Variants in SNRNP48 observed in about 807,000 individuals in gnomAD.
SNRNP48 encodes U11/U12 small nuclear ribonucleoprotein 48 kDa protein.
A neutral mutation model predicts 47.0 loss-of-function variants in SNRNP48; 43 were observed. That is an observed-to-expected ratio of 0.92 (90% confidence interval 0.72 to 1.18). SNRNP48 has a LOEUF of 1.18. SNRNP48 is among the 50% of genes most tolerant of loss of function. SNRNP48 has a pLI of 0.00. For missense variants in SNRNP48, 396 were observed against 422.2 expected (o/e 0.94, Z 0.54); for synonymous variants, 138 against 144.0 (o/e 0.96, Z 0.30).
intron 4 of SNRNP48, among the ~76,000 whole-genome samples, chr6:7,596,870 C>CT (rs1157452845): frequency 6.6e-6 from 1 of 152,124 alleles, no homozygotes; most frequent in African/African-American, 2.4e-5. Flanking sequence ...GTTAATAATA[C>CT]TTAAAGGACT....
chr6:7,598,314 G>T (rs959175200), intron 4 of SNRNP48, among the ~76,000 whole-genome samples: 5 of 151,738 alleles, frequency 3.3e-5, no homozygotes, highest in Admixed American at 6.6e-5. Flanking sequence ...GGCCAACATG[G>T]TGAAACCCTG....
intron 1 of SNRNP48, among the ~76,000 whole-genome samples, chr6:7,593,467 G>C (rs1162680956): frequency 6.6e-6 from 1 of 152,144 alleles, no homozygotes; most frequent in Admixed American, 6.5e-5. Flanking sequence ...TATAGGTGAG[G>C]TGAGGTTGTT....
chr6:7,606,337 T>G, intron 8 of SNRNP48, 142 bp downstream of exon 8: 3 of 823,414 alleles, frequency 3.6e-6, no homozygotes, highest in Non-Finnish European at 5.5e-6. Flanking sequence ...CGATGATTCT[T>G]AACATTCATT....
intron 5 of SNRNP48, among the ~76,000 whole-genome samples, chr6:7,602,017 C>A (rs905750568): frequency 4.6e-5 from 7 of 152,028 alleles, no homozygotes; most frequent in Non-Finnish European, 1.5e-5. Context: ...CCACACCTGG[C>A]TACTTTTTGT....
chr6:7,595,402 T>C (rs1759886494), intron 4 of SNRNP48, among the ~76,000 whole-genome samples: 1 of 152,182 alleles, frequency 6.6e-6, no homozygotes, highest in South Asian at 2.1e-4. Context: ...ATTTAGTAAA[T>C]ACAGATGGTC....
intron 4 of SNRNP48, chr6:7,599,915 A>T: frequency 1.0e-6 from 1 of 996,224 alleles, no homozygotes; most frequent in South Asian, 2.7e-5. Flanking sequence ...AAATAATTTA[A>T]GAAGGAAATT....
intron 6 of SNRNP48, among the ~76,000 whole-genome samples, chr6:7,605,127 G>T (rs1760101787): frequency 6.6e-6 from 1 of 152,052 alleles, no homozygotes; most frequent in South Asian, 2.1e-4. Flanking sequence ...TCCCCAGTAT[G>T]TATTTCCTAA....
At position 7,601,388 on chromosome 6, in the gene SNRNP48, T is replaced by C. The variant is rs752906664; in HGVS notation, c.459T>C (p.Val153=). ...VEVPLNHKRF[V]CDLTQADRLA... ...TTCCTTTGAATCACAAACGGTTTGTTTGTGATCTAACTCAAGCTGATCGTC... is the reference window on the plus strand; with the variant it reads ...TTCCTTTGAATCACAAACGGTTTGTCTGTGATCTAACTCAAGCTGATCGTC... The change falls in exon 5 of 9, where the codon GTT becomes GTC. Residue 153 remains valine (V), a synonymous_variant. Coordinates refer to ENST00000342415, the MANE Select transcript of SNRNP48 (RefSeq NM_152551.4). 11 of 1,587,224 alleles carry C rather than the reference T, an allele frequency of 6.9e-6. No homozygotes were observed. The East Asian group carries it at 1.6e-4, about 23-fold the overall frequency.
At chr6:7,602,840 A>G (rs9505237) in intron 6 of SNRNP48, 96 bp downstream of exon 6, 44,814 of 1,238,758 alleles carry the variant, frequency 0.036, 1,017 homozygotes, top group African/African-American at 0.084. Flanking sequence ...AATTTTCTGA[A>G]AGTGTCTTCA....
At chr6:7,598,232 C>T (rs369141982) in intron 4 of SNRNP48, among the ~76,000 whole-genome samples, 87 of 151,704 alleles carry the variant, frequency 5.7e-4, no homozygotes, top group African/African-American at 1.9e-3. Context: ...TGGTGGCTCC[C>T]ACTTGTAATC....
At chr6:7,603,185 A>G (rs957923652) in intron 6 of SNRNP48, among the ~76,000 whole-genome samples, 1 of 152,144 alleles carries the variant, frequency 6.6e-6, no homozygotes, top group Non-Finnish European at 1.5e-5. Flanking sequence ...TGCAAACACA[A>G]ATTTCTTCAT....
chr6:7,591,391 G>A (rs756646171), intron 1 of SNRNP48, among the ~76,000 whole-genome samples: 14 of 152,066 alleles, frequency 9.2e-5, no homozygotes, highest in Non-Finnish European at 1.6e-4. Context: ...CTCCAATGTG[G>A]GGTAATTCAT....
intron 6 of SNRNP48, among the ~76,000 whole-genome samples, 156 bp from the exon 7 acceptor site, chr6:7,605,242 G>A (rs1760103441): frequency 6.6e-6 from 1 of 152,094 alleles, no homozygotes; most frequent in African/African-American, 2.4e-5. Context: ...TTTGACCATT[G>A]CCTTTTCTGT....
chr6:7,605,747 T>G (rs1760113573), intron 7 of SNRNP48, among the ~76,000 whole-genome samples: 1 of 152,204 alleles, frequency 6.6e-6, no homozygotes, highest in Admixed American at 6.5e-5. Flanking sequence ...TGCCTAGTAT[T>G]CCATTATGGG....
chr6:7,608,066 A>G (rs1760165202), intron 8 of SNRNP48, among the ~76,000 whole-genome samples: 1 of 152,236 alleles, frequency 6.6e-6, no homozygotes, highest in South Asian at 2.1e-4. Flanking sequence ...TAAACATTAA[A>G]TAGTTTTTAT....
intron 5 of SNRNP48, among the ~76,000 whole-genome samples, chr6:7,602,254 G>A (rs1760038529): frequency 1.3e-5 from 2 of 152,164 alleles, no homozygotes; most frequent in Admixed American, 6.5e-5. Flanking sequence ...AGAGACTTGA[G>A]CATCCATGGA....
chr6:7,609,564 G>C lies in SNRNP48; in HGVS notation c.*691G>C, dbSNP rs1484387331. The C allele has an allele frequency of 6.6e-6, 1 of 152,124 alleles. No homozygotes were observed. The highest frequency in any genetic ancestry group is 1.5e-5 in the Non-Finnish European group (1 of 68,010). 9.4% of individuals were successfully genotyped at this position (152,124 alleles called of 1,614,324 possible). A position where few individuals can be genotyped will look rare whatever the true frequency, so the allele number is the denominator to read the frequency against. ...TAATGTACGTAAATCTATTTTTAAA[G>C]GTTCAGAGGAATCCATACCAAAGTT... On this transcript the variant is annotated 3_prime_UTR_variant, in exon 9 of 9. Transcript: ENST00000342415.
In SNRNP48 at chr6:7,609,206, CATCTT is replaced by C. The variant is rs894937058; in HGVS notation, c.*336_*340del. ...TGTAAATTAAACATGAATACATTCT[CATCTT>C]ATAACTACATCTTATAAATAAGGCT... On this transcript the variant is annotated 3_prime_UTR_variant, in exon 9 of 9. Transcript: ENST00000342415. The C allele has an allele frequency of 4.3e-5, 7 of 162,526 alleles. 1 individual carries two copies. The highest frequency in any genetic ancestry group is 3.3e-4 in the East Asian group (2 of 6,042). The allele number at this position is 162,526 out of a possible 1,614,324, so 10.1% of individuals were successfully genotyped here. A position where few individuals can be genotyped will look rare whatever the true frequency, so the allele number is the denominator to read the frequency against.
chr6:7,590,317 G>C lies in SNRNP48; in HGVS notation c.60G>C (p.Glu20Asp). The change falls in exon 1 of 9, where the codon GAG becomes GAC. Residue 20 changes from glutamate (E) to aspartate (D), a missense_variant. Transcript: ENST00000342415. ...GGCGGCTGCAGGAGGAGCTGAACGA[G>C]TTCGTGGAGAGCGGCTGCCGGACGT... is the stretch of plus-strand genomic sequence containing the variant. ...ERRRLQEELN[E>D]FVESGCRTLE... 1 of 1,410,128 alleles carries C rather than the reference G, an allele frequency of 7.1e-7. No individual in the cohort carries two copies. Among genetic ancestry groups the C allele is most frequent in the Non-Finnish European group, 9.4e-7 (1 of 1,067,526 alleles). 87.4% of individuals were successfully genotyped at this position (1,410,128 alleles called of 1,614,324 possible). A position where few individuals can be genotyped will look rare whatever the true frequency, so the allele number is the denominator to read the frequency against.
Sources: gnomAD v4.1 joint callset for allele counts (sites outside exome capture counted in the v4.1 genomes callset) on GRCh38, gnomAD v4.1.1 for gene constraint, MANE v1.5 for transcripts, NCBI Gene and HGNC (gene_info 2026-07-23, HGNC 2026-07-21) for gene names.